USP25: variants seen among roughly 807,000 people sequenced by gnomAD.
USP25 encodes the protein ubiquitin specific peptidase 25, also known as ubiquitin carboxyl-terminal hydrolase 25.
A neutral mutation model predicts 158.5 loss-of-function variants in USP25; 85 were observed. That is an observed-to-expected ratio of 0.54 (90% CI 0.45 to 0.64). The LOEUF is 0.64. USP25 is among the 30% of genes least tolerant of loss of function. The pLI, the probability that USP25 is intolerant of heterozygous loss-of-function variation, is 0.00. For missense variants in USP25, 1,242 were observed against 1,327.3 expected (o/e 0.94, Z 1.00); for synonymous variants, 464 against 460.4 (o/e 1.01, Z -0.10).
intron 8 of USP25, among the ~76,000 whole-genome samples, chr21:15,810,811 G>C (rs2036620508): frequency 6.6e-6 from 1 of 152,096 alleles, no homozygotes; most frequent in Non-Finnish European, 1.5e-5. Flanking sequence ...GTATGAGATT[G>C]AAATGTGTAA....
rs752469925 is a variant in USP25, at chr21:15,864,319, C to T, written c.2599C>T (p.Pro867Ser). 1 of 1,612,268 alleles carries T rather than the reference C, an allele frequency of 6.2e-7. No homozygotes were observed. Among genetic ancestry groups the T allele is most frequent in the African/African-American group, 1.3e-5 (1 of 74,764 alleles). Residue 867 changes from proline to serine, a missense_variant, in exon 21 of 26, where the codon CCA becomes TCA. By Grantham distance (74) the Pro-to-Ser change is moderately conservative. Around this residue, in one of 3 missense-constraint regions of USP25, gnomAD observed 608 missense variants for 605.2 expected, o/e 1.00. Coordinates refer to ENST00000400183, the MANE Select transcript of USP25 (RefSeq NM_001283041.3). ...GGTTAAGTTGGCCCAAGAAGACACC[C>T]CACCAGAAACCGATTATCGTTTACA... ...RLVKLAQEDT[P>S]PETDYRLHHV...
chr21:15,857,324 ATATTAT>A (rs2039201358), intron 20 of USP25, among the ~76,000 whole-genome samples: 2 of 152,132 alleles, frequency 1.3e-5, no homozygotes, highest in Non-Finnish European at 2.9e-5. Context: ...TTTTGTGCAT[ATATTAT>A]TGAACACTTG....
At chr21:15,791,024 A>G (rs1302299912) in intron 4 of USP25, among the ~76,000 whole-genome samples, 1 of 151,918 alleles carries the variant, frequency 6.6e-6, no homozygotes. Flanking sequence ...GAAAGGAATC[A>G]TAAAGTTTAA....
chr21:15,806,296 T>C (rs1258681004), intron 7 of USP25, among the ~76,000 whole-genome samples: 2 of 152,154 alleles, frequency 1.3e-5, no homozygotes, highest in African/African-American at 4.8e-5. Flanking sequence ...TTTACTTTTT[T>C]TTTTCTTCTT....
chr21:15,780,227 A>G (rs964296602), intron 4 of USP25, among the ~76,000 whole-genome samples: 1 of 152,220 alleles, frequency 6.6e-6, no homozygotes, highest in African/African-American at 2.4e-5. Context: ...ACATTAGGAT[A>G]CTACATTGTG....
chr21:15,748,252 A>G (rs977444343), intron 1 of USP25, among the ~76,000 whole-genome samples: 2 of 152,136 alleles, frequency 1.3e-5, no homozygotes, highest in African/African-American at 4.8e-5. Context: ...ATTGTAAAGA[A>G]AAACAGGTGT....
intron 6 of USP25, among the ~76,000 whole-genome samples, chr21:15,800,143 T>C (rs572271510): frequency 6.6e-6 from 1 of 151,506 alleles, no homozygotes; most frequent in African/African-American, 2.4e-5. Context: ...TTAAGGTCTT[T>C]CCTCAGTTGT....
intron 1 of USP25, among the ~76,000 whole-genome samples, chr21:15,731,701 A>G (rs1387562698): frequency 3.3e-5 from 5 of 152,234 alleles, no homozygotes; most frequent in Admixed American, 2.6e-4. Flanking sequence ...GTAAAGTTAG[A>G]AGGATATTGC....
intron 17 of USP25, among the ~76,000 whole-genome samples, chr21:15,835,076 C>T (rs1415423805): frequency 1.3e-5 from 2 of 152,148 alleles, no homozygotes; most frequent in African/African-American, 4.8e-5. Flanking sequence ...GATGGAGCTA[C>T]TGTGTTATTG....
At position 15,763,062 on chromosome 21, in the gene USP25, C is replaced by A; in HGVS notation, c.123+94C>A. ...AGTTGATTTTTTTTTTGGGGTATAC[C>A]ATGTGGTAGTTTTAGAGATACAGGA... is the stretch of plus-strand genomic sequence containing the variant. On this transcript the variant is annotated intron_variant, in intron 2 of 25. Transcript: ENST00000400183. The A allele has an allele frequency of 2.6e-6, 3 of 1,144,138 alleles. No homozygotes were observed. In the Middle Eastern group the frequency reaches 6.3e-4, roughly 240 times the overall value. The allele number at this position is 1,144,138 out of a possible 1,614,324, so 70.9% of individuals were successfully genotyped here.
intron 4 of USP25, among the ~76,000 whole-genome samples, chr21:15,781,880 C>G (rs1370454911): frequency 6.6e-6 from 1 of 152,200 alleles, no homozygotes; most frequent in Non-Finnish European, 1.5e-5. Context: ...CAGCAGGAAC[C>G]TCTTTGACAC....
intron 4 of USP25, among the ~76,000 whole-genome samples, chr21:15,787,448 C>T (rs1003136168): frequency 6.6e-6 from 1 of 152,176 alleles, no homozygotes; most frequent in Middle Eastern, 3.4e-3. Flanking sequence ...AATGGACACA[C>T]CTACAGCCAA....
intron 16 of USP25, 150 bp from the exon 17 acceptor site, chr21:15,833,198 T>A: frequency 1.5e-6 from 1 of 667,544 alleles, no homozygotes; most frequent in Non-Finnish European, 2.4e-6. Flanking sequence ...TAATAATTAT[T>A]TGCTAAGCAA....
rs115127076 is a variant in USP25 at position 15,833,852 on chromosome 21, A to C, written c.2194+304A>C. On this transcript the variant is annotated intron_variant, in intron 17 of 25. Transcript: ENST00000400183. ...AAGTAGCAGAGAAAGCTGTGAAATC[A>C]GCAAGAAACCCAAACCAATTCACTA... Among the ~76,000 whole-genome samples the C allele has an allele frequency of 5.1e-3, 777 of 152,312 alleles. 8 individuals are homozygous for C. Among genetic ancestry groups the C allele is most frequent in the African/African-American group, 0.018 (732 of 41,570 alleles).
intron 3 of USP25, among the ~76,000 whole-genome samples, chr21:15,769,708 C>T (rs2034241571): frequency 6.6e-5 from 10 of 152,056 alleles, no homozygotes. Flanking sequence ...AGCTCTTTTG[C>T]CCAATTTGAA....
At chr21:15,772,202 A>ATT (rs1299163186) in intron 3 of USP25, among the ~76,000 whole-genome samples, 1 of 152,184 alleles carries the variant, frequency 6.6e-6, no homozygotes, top group African/African-American at 2.4e-5. Flanking sequence ...ACTAGCATAT[A>ATT]TTTTGGAGTT....
chr21:15,778,079 T>A, intron 4 of USP25, 52 bp downstream of exon 4: 6 of 1,433,522 alleles, frequency 4.2e-6, no homozygotes, highest in Non-Finnish European at 5.6e-6. Context: ...AAAATAGAAA[T>A]CATTAATTGG....
chr21:15,733,424 A>T (rs1173511592), intron 1 of USP25, among the ~76,000 whole-genome samples: 1 of 152,076 alleles, frequency 6.6e-6, no homozygotes, highest in Non-Finnish European at 1.5e-5. Context: ...TGAATCTTGG[A>T]ATTTAAAAAT....
intron 1 of USP25, among the ~76,000 whole-genome samples, chr21:15,737,838 T>G (rs1259334836): frequency 6.6e-6 from 1 of 152,094 alleles, no homozygotes; most frequent in Admixed American, 6.5e-5. Context: ...TGGACTTTTT[T>G]TTTTTTCCCT....
Sources: allele counts gnomAD v4.1 joint callset (sites outside exome capture counted in the v4.1 genomes callset), GRCh38; gene constraint gnomAD v4.1.1; regional missense constraint gnomAD v4.1.1; transcripts MANE v1.5; gene names NCBI Gene and HGNC (gene_info 2026-07-23, HGNC 2026-07-21).